Variants in GLIS1 observed in about 807,000 individuals in gnomAD.
The protein encoded by GLIS1 is zinc finger protein GLIS1.
A neutral mutation model predicts 63.8 loss-of-function variants in GLIS1; 24 were observed. The ratio of observed to expected loss-of-function variants is 0.38; its 90% confidence interval spans 0.27 to 0.53. GLIS1 has a LOEUF of 0.53. Among genes scored for constraint, GLIS1 ranks in the 20% least tolerant of loss-of-function variants. GLIS1 has a pLI of 0.85. For synonymous variants in GLIS1, 450 were observed against 482.5 expected (o/e 0.93, Z 0.88); for missense variants, 1,036 against 1,074.1 (o/e 0.96, Z 0.50).
chr1:53,686,904 C>T (rs1455490154), intron 2 of GLIS1, among the ~76,000 whole-genome samples: 1 of 152,172 alleles, frequency 6.6e-6, no homozygotes, highest in Non-Finnish European at 1.5e-5. Flanking sequence ...CTGTGGCCTG[C>T]AGGATCACCG....
intron 4 of GLIS1, among the ~76,000 whole-genome samples, chr1:53,550,846 T>A (rs1644750647): frequency 1.3e-5 from 2 of 152,078 alleles, no homozygotes. Flanking sequence ...CAGCAATTTT[T>A]ATTTTTATTT....
In GLIS1 at chr1:53,617,738, C is replaced by T. The variant is rs755474852; in HGVS notation, c.260-17460G>A. ...AAAATTTTTAAAAGATGGTGCAGGC[C>T]GGCTATGTTATCGGTGCATTTCATT... On this transcript the variant is annotated intron_variant, in intron 2 of 10. Coordinates refer to ENST00000628545, the MANE Select transcript of GLIS1 (RefSeq NM_001367484.1). Among the ~76,000 whole-genome samples, 8 of 152,150 alleles carry T rather than the reference C, an allele frequency of 5.3e-5. No individual in the cohort carries two copies. In the South Asian group the frequency reaches 6.2e-4, roughly 12 times the overall value.
chr1:53,605,068 T>G (rs988351395), intron 2 of GLIS1, among the ~76,000 whole-genome samples: 1 of 151,794 alleles, frequency 6.6e-6, no homozygotes, highest in Non-Finnish European at 1.5e-5. Flanking sequence ...CATGCAGCAG[T>G]GAGAGAGACA....
intron 2 of GLIS1, among the ~76,000 whole-genome samples, chr1:53,721,770 G>A (rs1259224287): frequency 1.3e-5 from 2 of 151,912 alleles, no homozygotes; most frequent in East Asian, 3.9e-4. Context: ...GATGGGACGT[G>A]GTGAACGACA....
chr1:53,635,389 A>G (rs6679903), intron 2 of GLIS1, among the ~76,000 whole-genome samples: 13,820 of 152,246 alleles, frequency 0.091, 896 homozygotes, highest in South Asian at 0.24. Context: ...ACGGAAATTT[A>G]AAATATTTTG....
chr1:53,576,070 GCCCACCGCCCCTTT>G (rs1252094884), intron 4 of GLIS1, among the ~76,000 whole-genome samples: 1 of 152,000 alleles, frequency 6.6e-6, no homozygotes, highest in Non-Finnish European at 1.5e-5. Context: ...CACCTCAGAT[GCCCACCGCCCCTTT>G]CCTACCCGTC....
chr1:53,572,724 C>T (rs1011033834), intron 4 of GLIS1, among the ~76,000 whole-genome samples: 2 of 152,238 alleles, frequency 1.3e-5, no homozygotes, highest in Non-Finnish European at 1.5e-5. Flanking sequence ...CAGGATGGCA[C>T]AGGAACCTAT....
At chr1:53,607,446 A>T (rs1645382493) in intron 2 of GLIS1, among the ~76,000 whole-genome samples, 1 of 151,972 alleles carries the variant, frequency 6.6e-6, no homozygotes, top group Non-Finnish European at 1.5e-5. Context: ...ATACTTTCTG[A>T]TACTCTGCTT....
chr1:53,543,108 G>A (rs1322544791), intron 4 of GLIS1, among the ~76,000 whole-genome samples: 1 of 152,344 alleles, frequency 6.6e-6, no homozygotes, highest in East Asian at 1.9e-4. Context: ...AGCATGTGGG[G>A]GCTCAGGATA....
intron 2 of GLIS1, among the ~76,000 whole-genome samples, chr1:53,674,480 G>A (rs1244363699): frequency 6.6e-6 from 1 of 152,212 alleles, no homozygotes; most frequent in Non-Finnish European, 1.5e-5. Context: ...AGTTCTCTGT[G>A]CCCTGGTTTC....
chr1:53,547,753 C>T (rs1468987361), intron 4 of GLIS1, among the ~76,000 whole-genome samples: 2 of 152,214 alleles, frequency 1.3e-5, no homozygotes, highest in Non-Finnish European at 2.9e-5. Flanking sequence ...AATTCTATTT[C>T]CCTGCCCCTC....
intron 2 of GLIS1, among the ~76,000 whole-genome samples, chr1:53,719,180 T>C (rs1281416835): frequency 6.6e-6 from 1 of 152,182 alleles, no homozygotes; most frequent in Non-Finnish European, 1.5e-5. Flanking sequence ...CTCTCCTCAT[T>C]CTGCCACGAA....
intron 4 of GLIS1, among the ~76,000 whole-genome samples, chr1:53,562,349 G>A (rs1055786495): frequency 1.3e-5 from 2 of 152,178 alleles, no homozygotes; most frequent in South Asian, 4.1e-4. Flanking sequence ...GATTTTCACC[G>A]TGCAGAGATG....
Position 53,594,513 on chromosome 1 carries a change from A to C in GLIS1, c.915T>G (p.His305Gln). 2 of 1,612,676 alleles carry C rather than the reference A, an allele frequency of 1.2e-6. No homozygotes were observed. Among genetic ancestry groups the C allele is most frequent in the Non-Finnish European group, 1.7e-6 (2 of 1,179,728 alleles). ...ARPGPASTDS[H>Q]EGSLQLEACR... ...AGGCTTCAAGTTGCAAGCTGCCCTCATGGCTGTCCGTCGATGCAGGGCCAG... is the reference window on the plus strand; with the variant it reads ...AGGCTTCAAGTTGCAAGCTGCCCTCCTGGCTGTCCGTCGATGCAGGGCCAG... The change falls in exon 4 of 11, where the codon CAT (histidine) becomes CAG (glutamine). Residue 305 changes from histidine (H) to glutamine (Q), a missense_variant. Physicochemically the swap from His to Gln is conservative, Grantham distance 24. This residue lies in a region of GLIS1 where 592 missense variants were observed against 593.9 expected (regional missense o/e 1.00). Transcript: ENST00000628545.
At chr1:53,724,659 C>T (rs1393892557) in intron 2 of GLIS1, among the ~76,000 whole-genome samples, 1 of 152,092 alleles carries the variant, frequency 6.6e-6, no homozygotes, top group African/African-American at 2.4e-5. Flanking sequence ...GCTGAGACTA[C>T]AGGTGCACAC....
At chr1:53,632,742 G>A (rs537581944) in intron 2 of GLIS1, among the ~76,000 whole-genome samples, 7 of 150,702 alleles carry the variant, frequency 4.6e-5, no homozygotes, top group Non-Finnish European at 8.9e-5. Context: ...ATGTGTGACC[G>A]AGGGGCGTGT....
chr1:53,543,646 T>A (rs976940731), intron 4 of GLIS1, among the ~76,000 whole-genome samples: 1 of 152,144 alleles, frequency 6.6e-6, no homozygotes, highest in Non-Finnish European at 1.5e-5. Flanking sequence ...CAGAAAATAA[T>A]GCTAGCAACA....
intron 10 of GLIS1, among the ~76,000 whole-genome samples, chr1:53,508,037 TCAAA>T (rs1437989568): frequency 6.6e-6 from 1 of 152,098 alleles, no homozygotes; most frequent in Admixed American, 6.5e-5. Context: ...GGCACAATCC[TCAAA>T]CACAGGTGCA....
At chr1:53,657,124 T>G (rs1918176) in intron 2 of GLIS1, among the ~76,000 whole-genome samples, 128,913 of 152,168 alleles carry the variant, frequency 0.85, 55,794 homozygotes, top group East Asian at 0.93. Context: ...CGGGGGCCTT[T>G]TAGTGTGTGC....
Sources: allele counts gnomAD v4.1 joint callset (sites outside exome capture counted in the v4.1 genomes callset), GRCh38; gene constraint gnomAD v4.1.1; regional missense constraint gnomAD v4.1.1; transcripts MANE v1.5; gene names NCBI Gene and HGNC (gene_info 2026-07-23, HGNC 2026-07-21).